ERBIN: variants seen among roughly 807,000 people sequenced by gnomAD.
The protein encoded by ERBIN is densin-180-like protein.
In ERBIN, 60 loss-of-function variants were observed where a neutral mutation model predicts 158.4. That is an observed-to-expected ratio of 0.38 (90% CI 0.31 to 0.47). ERBIN has a LOEUF of 0.47. ERBIN is among the 20% of genes least tolerant of loss of function. ERBIN has a pLI of 0.99. For missense variants in ERBIN, 1,610 were observed against 1,648.0 expected (o/e 0.98, Z 0.40); for synonymous variants, 594 against 557.2 (o/e 1.07, Z -0.93).
chr5:65,977,938 C>T (rs1284907996), intron 1 of ERBIN, among the ~76,000 whole-genome samples: 1 of 104,310 alleles, frequency 9.6e-6, no homozygotes, highest in Non-Finnish European at 2.1e-5. Context: ...GCGGATCACT[C>T]GCGGTTAGGG....
chr5:66,045,859 G>A (rs1046716726), intron 17 of ERBIN, among the ~76,000 whole-genome samples: 3 of 152,164 alleles, frequency 2.0e-5, no homozygotes, highest in Non-Finnish European at 4.4e-5. Context: ...CATTTTAAAT[G>A]TAATTGCAAT....
intron 1 of ERBIN, among the ~76,000 whole-genome samples, chr5:65,958,086 ACTTCCTAGAT>A (rs1747442724): frequency 6.7e-6 from 1 of 150,174 alleles, no homozygotes; most frequent in African/African-American, 2.5e-5. Context: ...GACGCTCCTT[ACTTCCTAGAT>A]GGGATGGCGG....
chr5:66,021,970 A>C (rs1294758755), intron 8 of ERBIN, among the ~76,000 whole-genome samples: 1 of 146,120 alleles, frequency 6.8e-6, no homozygotes, highest in Non-Finnish European at 1.5e-5. Flanking sequence ...AATAAGCTAG[A>C]TTTTTTTTTT....
rs1761594290 is a variant in ERBIN at position 66,072,207 on chromosome 5, A to T, written c.3672A>T (p.Gln1224His). ...PQTSSSGDPC[Q>H]DGIFISGQQN... ...CATCCAGTTCAGGAGATCCTTGTCA[A>T]GATGGTATATTCATTTCAGGACAGC... is the stretch of plus-strand genomic sequence containing the variant. The change falls in exon 22 of 26, where the codon CAA becomes CAT. Residue 1224 changes from glutamine (Q) to histidine (H), a missense_variant. Transcript: ENST00000284037. The T allele has an allele frequency of 6.4e-7, 1 of 1,550,456 alleles. No individual in the cohort carries two copies.
chr5:65,963,245 T>C (rs1345871092), intron 1 of ERBIN, among the ~76,000 whole-genome samples: 1 of 152,242 alleles, frequency 6.6e-6, no homozygotes, highest in African/African-American at 2.4e-5. Flanking sequence ...TAGTTTCCTA[T>C]ATGCATTGGT....
chr5:66,076,509 A>G (rs1171589642), intron 24 of ERBIN, 101 bp downstream of exon 24: 1 of 922,178 alleles, frequency 1.1e-6, no homozygotes, highest in Non-Finnish European at 1.7e-6. Context: ...ATGTAAATCT[A>G]GGTAGACATC....
chr5:66,028,058 TGAA>T (rs1756465199), intron 13 of ERBIN, among the ~76,000 whole-genome samples: 1 of 152,118 alleles, frequency 6.6e-6, no homozygotes, highest in Non-Finnish European at 1.5e-5. Context: ...TTGATTCAAT[TGAA>T]GAATTATATT....
At chr5:66,049,459 G>C (rs916737182) in intron 19 of ERBIN, among the ~76,000 whole-genome samples, 2 of 151,976 alleles carry the variant, frequency 1.3e-5, no homozygotes, top group African/African-American at 4.8e-5. Flanking sequence ...AGAATTTGTT[G>C]AGCACTAATT....
intron 1 of ERBIN, among the ~76,000 whole-genome samples, chr5:65,988,311 C>T (rs751908567): frequency 2.0e-5 from 3 of 151,046 alleles, no homozygotes; most frequent in East Asian, 1.9e-4. Flanking sequence ...AGTTTGAGGC[C>T]GCAGTCAGTC....
At chr5:65,966,606 G>A (rs529857635) in intron 1 of ERBIN, among the ~76,000 whole-genome samples, 1 of 140,968 alleles carries the variant, frequency 7.1e-6, no homozygotes, top group South Asian at 2.4e-4. Context: ...CTTGAACCCA[G>A]GAGGCAGAGG....
At chr5:65,955,086 A>G (rs1312439878) in intron 1 of ERBIN, among the ~76,000 whole-genome samples, 6 of 152,114 alleles carry the variant, frequency 3.9e-5, no homozygotes, top group Admixed American at 3.9e-4. Context: ...AACAAGAAAA[A>G]CAAAACAAAA....
At chr5:65,956,244 G>A (rs577357239) in intron 1 of ERBIN, among the ~76,000 whole-genome samples, 1 of 152,044 alleles carries the variant, frequency 6.6e-6, no homozygotes. Flanking sequence ...AAGGCCCTTC[G>A]GGGTGTGGGT....
chr5:65,969,516 A>G (rs1176308459), intron 1 of ERBIN, among the ~76,000 whole-genome samples: 1 of 152,216 alleles, frequency 6.6e-6, no homozygotes. Flanking sequence ...AGGATTACAG[A>G]ATGATAAATG....
intron 4 of ERBIN, among the ~76,000 whole-genome samples, chr5:66,003,417 G>A (rs1407437547): frequency 2.0e-5 from 3 of 152,082 alleles, no homozygotes; most frequent in Non-Finnish European, 2.9e-5. Context: ...AGAAAATAAC[G>A]GTTTGCCGTG....
chr5:66,014,407 G>A (rs1463608002), intron 6 of ERBIN, among the ~76,000 whole-genome samples: 1 of 152,140 alleles, frequency 6.6e-6, no homozygotes, highest in East Asian at 1.9e-4. Context: ...ATGAAATTCT[G>A]GAGGATTGAT....
chr5:65,989,177 C>A (rs1751598157), intron 2 of ERBIN, among the ~76,000 whole-genome samples: 1 of 152,154 alleles, frequency 6.6e-6, no homozygotes, highest in African/African-American at 2.4e-5. Context: ...TCAGGCTAGG[C>A]TTTCTTCCTT....
chr5:65,986,445 G>A (rs1751246245), intron 1 of ERBIN, among the ~76,000 whole-genome samples: 1 of 152,070 alleles, frequency 6.6e-6, no homozygotes, highest in Admixed American at 6.6e-5. Flanking sequence ...GTTGTTTTTT[G>A]TGGCATGCAG....
rs1234133070 is a variant in ERBIN, at chr5:66,021,343, G to A, written c.555G>A (p.Gln185=). The change falls in exon 8 of 26, where the codon CAG becomes CAA. Residue 185 remains glutamine, a synonymous_variant. Coordinates refer to ENST00000284037, the MANE Select transcript of ERBIN (RefSeq NM_001253697.2). ...ACAGAACTATGAATAGACTGACCCA[G>A]CTGGAAAGACTGGATTTGGGAAGTA... ...MLPKTMNRLT[Q]LERLDLGSNE... 1 of 1,604,136 alleles carries A rather than the reference G, an allele frequency of 6.2e-7. No individual in the cohort carries two copies. The highest frequency in any genetic ancestry group is 1.3e-5 in the African/African-American group (1 of 74,708).
chr5:65,969,313 T>G (rs1213363274), intron 1 of ERBIN, among the ~76,000 whole-genome samples: 12 of 152,234 alleles, frequency 7.9e-5, no homozygotes, highest in Admixed American at 2.0e-4. Context: ...AAACTATTAT[T>G]TATTCAGCTT....
Sources: allele counts gnomAD v4.1 joint callset (sites outside exome capture counted in the v4.1 genomes callset), GRCh38; gene constraint gnomAD v4.1.1; transcripts MANE v1.5; gene names NCBI Gene and HGNC (gene_info 2026-07-23, HGNC 2026-07-21).